DIP2C: variants seen among roughly 807,000 people sequenced by gnomAD.
DIP2C encodes the protein DIP2 acetate--CoA ligase C (putative).
DIP2C carries 33 observed loss-of-function variants against 192.4 expected under a neutral mutation model. That is an observed-to-expected ratio of 0.17 (90% CI 0.13 to 0.23). The LOEUF (loss-of-function observed/expected upper bound fraction) is 0.23. Among genes scored for constraint, DIP2C ranks in the 10% least tolerant of loss-of-function variants. The probability of loss-of-function intolerance (pLI) is 1.00; values close to 1 mark genes in which losing one functional copy is unlikely to be tolerated. For missense variants in DIP2C, 1,537 were observed against 2,110.1 expected, an observed-to-expected ratio of 0.73 and a Z score of 5.32; for synonymous variants, 979 against 864.1, an observed-to-expected ratio of 1.13 and a Z score of -2.33.
intron 18 of DIP2C, among the ~76,000 whole-genome samples, chr10:367,722 C>T (rs998644736): frequency 2.0e-5 from 3 of 152,254 alleles, no homozygotes; most frequent in Non-Finnish European, 2.9e-5. Flanking sequence ...AACTTAGTGC[C>T]CCCACAAGGT....
intron 1 of DIP2C, among the ~76,000 whole-genome samples, chr10:679,095 C>T (rs1184304215): frequency 5.9e-5 from 2 of 33,916 alleles, no homozygotes; most frequent in African/African-American, 1.4e-4. Context: ...GTGCTCCCCG[C>T]ACCCATCTCT....
chr10:455,133 A>G (rs1969182209), intron 3 of DIP2C, among the ~76,000 whole-genome samples: 1 of 152,226 alleles, frequency 6.6e-6, no homozygotes, highest in Non-Finnish European at 1.5e-5. Context: ...CAGAGCAGGA[A>G]GACGTAGGTT....
intron 1 of DIP2C, among the ~76,000 whole-genome samples, chr10:518,667 C>T (rs147742863): frequency 6.6e-6 from 1 of 152,318 alleles, no homozygotes; most frequent in Non-Finnish European, 1.5e-5. Context: ...CACCTTCCAC[C>T]CTCCAGAACT....
intron 32 of DIP2C, among the ~76,000 whole-genome samples, chr10:288,781 C>T (rs893721501): frequency 1.9e-4 from 29 of 152,186 alleles, no homozygotes; most frequent in African/African-American, 6.8e-4. Flanking sequence ...GTTGCCTGGT[C>T]CTCAAGCACC....
intron 34 of DIP2C, among the ~76,000 whole-genome samples, chr10:285,732 C>T (rs1955081485): frequency 6.6e-6 from 1 of 152,258 alleles, no homozygotes; most frequent in African/African-American, 2.4e-5. Flanking sequence ...AGCTGCATCC[C>T]GCCAGTGCGG....
At chr10:482,315 T>A (rs1588256228) in intron 2 of DIP2C, among the ~76,000 whole-genome samples, 1 of 152,150 alleles carries the variant, frequency 6.6e-6, no homozygotes, top group South Asian at 2.1e-4. Flanking sequence ...AGGCCTCCGG[T>A]GCAGACAGTG....
At chr10:420,928 G>A (rs115505923) in intron 5 of DIP2C, among the ~76,000 whole-genome samples, 2,023 of 152,260 alleles carry the variant, frequency 0.013, 68 homozygotes, top group African/African-American at 0.046. Flanking sequence ...GACTCCTTAG[G>A]ACACTCACGC....
At chr10:594,140 G>C (rs1197009901) in intron 1 of DIP2C, among the ~76,000 whole-genome samples, 1 of 152,218 alleles carries the variant, frequency 6.6e-6, no homozygotes, top group African/African-American at 2.4e-5. Flanking sequence ...GTCACGTGAA[G>C]GTCCCGTTGC....
At chr10:553,435 C>G (rs1848682405) in intron 1 of DIP2C, among the ~76,000 whole-genome samples, 1 of 152,358 alleles carries the variant, frequency 6.6e-6, no homozygotes, top group Admixed American at 6.5e-5. Flanking sequence ...ATTTGCTGCA[C>G]TCCCACAATC....
chr10:531,023 T>G (rs901092225), intron 1 of DIP2C, among the ~76,000 whole-genome samples: 1 of 152,052 alleles, frequency 6.6e-6, no homozygotes, highest in East Asian at 1.9e-4. Context: ...TGAGCATCCT[T>G]TCCCGCCAAA....
At chr10:572,531 T>C (rs762416416) in intron 1 of DIP2C, among the ~76,000 whole-genome samples, 4 of 152,148 alleles carry the variant, frequency 2.6e-5, no homozygotes, top group Non-Finnish European at 4.4e-5. Context: ...CTTACCGAGG[T>C]TGTAATGAGA....
intron 4 of DIP2C, chr10:430,165 G>A (rs1179942368): frequency 6.6e-6 from 1 of 152,112 alleles, no homozygotes; most frequent in Non-Finnish European, 1.5e-5. Context: ...TTCATATGTC[G>A]ATTTGCCATC....
intron 1 of DIP2C, among the ~76,000 whole-genome samples, chr10:599,668 C>T (rs1336301007): frequency 6.6e-6 from 1 of 152,178 alleles, no homozygotes; most frequent in Non-Finnish European, 1.5e-5. Flanking sequence ...ACAGAGGACC[C>T]CCTGGGGCCA....
chr10:591,185 T>G (rs1211329388), intron 1 of DIP2C, among the ~76,000 whole-genome samples: 1 of 152,160 alleles, frequency 6.6e-6, no homozygotes, highest in Non-Finnish European at 1.5e-5. Flanking sequence ...TGGAGTGGCG[T>G]GATCTCGGCT....
chr10:304,122 C>T (rs563059064), intron 32 of DIP2C, among the ~76,000 whole-genome samples: 4 of 152,262 alleles, frequency 2.6e-5, no homozygotes, highest in African/African-American at 4.8e-5. Context: ...GTACATAAAC[C>T]GGCTTCACAG....
intron 32 of DIP2C, among the ~76,000 whole-genome samples, chr10:291,235 G>A (rs933804467): frequency 1.3e-5 from 2 of 152,234 alleles, no homozygotes; most frequent in Non-Finnish European, 2.9e-5. Flanking sequence ...CTCAGGAAGC[G>A]AAGCAAGACG....
chr10:537,985 T>C (rs1447022054), intron 1 of DIP2C, among the ~76,000 whole-genome samples: 1 of 152,034 alleles, frequency 6.6e-6, no homozygotes, highest in African/African-American at 2.4e-5. Context: ...AGACAGGGTT[T>C]CTCCATGTTG....
chr10:510,553 C>A (rs559105364), intron 1 of DIP2C, among the ~76,000 whole-genome samples: 1 of 152,190 alleles, frequency 6.6e-6, no homozygotes, highest in African/African-American at 2.4e-5. Flanking sequence ...CCTGGGCAGC[C>A]GCACAGTGAA....
At chr10:340,669 A>G (rs1414231425) in intron 29 of DIP2C, 1 of 428,540 alleles carries the variant, frequency 2.3e-6, no homozygotes, top group South Asian at 1.6e-5. Flanking sequence ...TTTTCTGGTC[A>G]TTCATTCATC....
Sources: allele counts gnomAD v4.1 joint callset (sites outside exome capture counted in the v4.1 genomes callset), GRCh38; gene constraint gnomAD v4.1.1; transcripts MANE v1.5; gene names NCBI Gene and HGNC (gene_info 2026-07-23, HGNC 2026-07-21).